Variants in ZC3H12B observed in about 807,000 individuals in gnomAD.
ZC3H12B encodes the protein probable ribonuclease ZC3H12B.
In ZC3H12B, 7 loss-of-function variants were observed where a neutral mutation model predicts 43.9. That is an observed-to-expected ratio of 0.16 (90% CI 0.09 to 0.30). The LOEUF (loss-of-function observed/expected upper bound fraction) is 0.30, where lower values mean the gene tolerates loss of function less well. Ranked by LOEUF, ZC3H12B falls within the 10% of genes least tolerant of loss-of-function variation. The probability of loss-of-function intolerance (pLI) is 1.00; values close to 1 mark genes in which losing one functional copy is unlikely to be tolerated. For synonymous variants in ZC3H12B, 222 were observed against 241.7 expected, an observed-to-expected ratio of 0.92 and a Z score of 0.76; for missense variants, 475 against 670.2, an observed-to-expected ratio of 0.71 and a Z score of 3.22.
At chrX:65,278,145 A>C in the ZC3H12B span, among the ~76,000 whole-genome samples, 1 of 112,017 alleles carries the variant, frequency 8.9e-6, no homozygotes, top group Non-Finnish European at 1.9e-5. Context: ...AGACTAATAT[A>C]AACAAATACA....
intron 3 of ZC3H12B, among the ~76,000 whole-genome samples, chrX:65,420,087 T>A (rs1451198365): frequency 9.0e-6 from 1 of 111,731 alleles, no homozygotes. Context: ...ATAGACTCAG[T>A]CTTCAAGCTC....
At chrX:65,230,057 A>G in the ZC3H12B span, among the ~76,000 whole-genome samples, 2 of 111,265 alleles carry the variant, frequency 1.8e-5, no homozygotes, top group African/African-American at 3.3e-5. Flanking sequence ...AGGACTATAA[A>G]TCTTGCTGCT....
At chrX:65,338,312 G>T in the ZC3H12B span, among the ~76,000 whole-genome samples, 1 of 111,511 alleles carries the variant, frequency 9.0e-6, no homozygotes, top group Non-Finnish European at 1.9e-5. Flanking sequence ...ATTGAATCAG[G>T]AAGAAATGGA....
chrX:65,354,042 A>G, the ZC3H12B span, among the ~76,000 whole-genome samples: 1 of 111,686 alleles, frequency 9.0e-6, no homozygotes, highest in South Asian at 3.8e-4. Context: ...CGCAGCTTCA[A>G]CAAACTTAAA....
At chrX:65,356,509 C>T in the ZC3H12B span, among the ~76,000 whole-genome samples, 1 of 111,871 alleles carries the variant, frequency 8.9e-6, no homozygotes, top group African/African-American at 3.2e-5. Context: ...TCTCCCTTCC[C>T]TTTATATATT....
chrX:65,106,445 C>T, the ZC3H12B span, among the ~76,000 whole-genome samples: 1 of 111,053 alleles, frequency 9.0e-6, no homozygotes, highest in African/African-American at 3.3e-5. Context: ...ATGTACATTG[C>T]TCTGTGGGTA....
At chrX:65,478,030 G>T (rs1003119782) in intron 3 of ZC3H12B, among the ~76,000 whole-genome samples, 1 of 110,846 alleles carries the variant, frequency 9.0e-6, no homozygotes, top group African/African-American at 3.3e-5. Flanking sequence ...TTTTATTTCA[G>T]TTATTGTCCT....
chrX:65,275,839 C>A, the ZC3H12B span, among the ~76,000 whole-genome samples: 151 of 112,102 alleles, frequency 1.3e-3, 1 homozygote, highest in African/African-American at 4.8e-3. Flanking sequence ...ATTCTACAGA[C>A]TCCAATCATT....
chrX:65,209,759 T>C, the ZC3H12B span, among the ~76,000 whole-genome samples: 2 of 105,916 alleles, frequency 1.9e-5, no homozygotes, highest in South Asian at 4.3e-4. Flanking sequence ...TCAGAAATAA[T>C]GCCACATATC....
the ZC3H12B span, among the ~76,000 whole-genome samples, chrX:65,042,930 T>G: frequency 9.0e-6 from 1 of 111,513 alleles, no homozygotes; most frequent in Non-Finnish European, 1.9e-5. Flanking sequence ...TTTGTTTCTT[T>G]CAGTGTATCT....
chrX:65,101,221 G>C, the ZC3H12B span, among the ~76,000 whole-genome samples: 3 of 112,050 alleles, frequency 2.7e-5, no homozygotes, highest in African/African-American at 9.7e-5. Context: ...CAATGTACCA[G>C]AATCTCTGGG....
At chrX:65,333,723 G>T in the ZC3H12B span, among the ~76,000 whole-genome samples, 1 of 111,321 alleles carries the variant, frequency 9.0e-6, no homozygotes, top group South Asian at 3.8e-4. Context: ...ACCTGTTAGA[G>T]TTCTATAGTT....
chrX:65,206,457 A>G, the ZC3H12B span, among the ~76,000 whole-genome samples: 2 of 112,025 alleles, frequency 1.8e-5, no homozygotes, highest in African/African-American at 3.2e-5. Flanking sequence ...TTGGCAAGCC[A>G]CATGTAGAAG....
upstream of ZC3H12B, among the ~76,000 whole-genome samples, chrX:65,485,405 C>T (rs1315765380): frequency 2.7e-5 from 3 of 112,000 alleles, no homozygotes; most frequent in African/African-American, 9.7e-5. Context: ...AGGCCTATGC[C>T]ACCATGCCTG....
chrX:65,044,325 A>G, the ZC3H12B span, among the ~76,000 whole-genome samples: 1 of 111,515 alleles, frequency 9.0e-6, no homozygotes, highest in Middle Eastern at 4.7e-3. Flanking sequence ...TTCAATGAAT[A>G]TCAAGGAGGT....
chrX:65,280,447 G>A, the ZC3H12B span, among the ~76,000 whole-genome samples: 1 of 111,927 alleles, frequency 8.9e-6, no homozygotes, highest in East Asian at 2.8e-4. Context: ...CTTACTGAAT[G>A]GGGAAAACCT....
At chrX:65,450,339 A>ATATATATGTG (rs1452331903) in intron 3 of ZC3H12B, among the ~76,000 whole-genome samples, 2 of 84,499 alleles carry the variant, frequency 2.4e-5, no homozygotes, top group Non-Finnish European at 4.4e-5. Flanking sequence ...ATATATATGT[A>ATATATATGTG]TATATATGTG....
At chrX:65,157,760 C>CTT in the ZC3H12B span, among the ~76,000 whole-genome samples, 34 of 87,470 alleles carry the variant, frequency 3.9e-4, no homozygotes, top group African/African-American at 3.4e-3. Context: ...CTACCTTTCC[C>CTT]TTTTCTTTTT....
chrX:65,165,639 G>A, the ZC3H12B span, among the ~76,000 whole-genome samples: 1 of 112,437 alleles, frequency 8.9e-6, no homozygotes, highest in Non-Finnish European at 1.9e-5. Flanking sequence ...TCATTTTCAT[G>A]GCTGCATAGT....
Sources: allele counts gnomAD v4.1 joint callset (sites outside exome capture counted in the v4.1 genomes callset), GRCh38; gene constraint gnomAD v4.1.1; transcripts MANE v1.5; gene names NCBI Gene and HGNC (gene_info 2026-07-23, HGNC 2026-07-21).